The following SMARCC2 variants were observed in gnomAD, a reference collection of about 807,000 sequenced individuals.
SMARCC2 encodes SWI/SNF complex subunit SMARCC2.
A neutral mutation model predicts 151.3 loss-of-function variants in SMARCC2; 15 were observed. The ratio of observed to expected loss-of-function variants is 0.10; its 90% CI spans 0.07 to 0.15. The LOEUF (loss-of-function observed/expected upper bound fraction) is 0.15, where lower values mean the gene tolerates loss of function less well. Ranked by LOEUF, SMARCC2 falls within the 10% of genes least tolerant of loss-of-function variation. The probability of loss-of-function intolerance (pLI) is 1.00; values close to 1 mark genes in which losing one functional copy is unlikely to be tolerated. For missense variants in SMARCC2, 1,031 were observed against 1,599.7 expected (o/e 0.64, Z 6.06); for synonymous variants, 590 against 609.5 (o/e 0.97, Z 0.47).
intron 28 of SMARCC2, 98 bp downstream of exon 28, chr12:56,164,205 G>C (rs1486714615): frequency 6.5e-6 from 7 of 1,079,896 alleles, no homozygotes; most frequent in African/African-American, 1.6e-5. Context: ...AAGGATTGTG[G>C]AAACTCTAAT....
rs1050715934 is a variant in SMARCC2, at chr12:56,186,328, T to C, written c.232-88A>G. On this transcript the variant is annotated intron_variant, in intron 2 of 28. Transcript: ENST00000550164. ...ATAATCTAATAATCCTTTCACAAAA[T>C]CCCATGCTGAATTGATCTCCCTTTT... The C allele has an allele frequency of 1.6e-5, 13 of 802,686 alleles. No homozygotes were observed. The African/African-American group carries it at 2.1e-4, about 13-fold the overall frequency. The allele number at this position is 802,686 out of a possible 1,614,324, so 49.7% of individuals were successfully genotyped here. A position where few individuals can be genotyped will look rare whatever the true frequency, so the allele number is the denominator to read the frequency against.
Position 56,171,974 on chromosome 12 carries a change from A to G in SMARCC2, c.1927-37T>C, listed in dbSNP as rs762201599. On this transcript the variant is annotated intron_variant, in intron 20 of 28. Coordinates refer to ENST00000550164, the MANE Select transcript of SMARCC2 (RefSeq NM_001330288.2). The surrounding 1 kb of genome is among the most constrained non-coding windows in gnomAD (Gnocchi z 4.2). Reference sequence around the variant, plus strand: ...GGTGGAGACATAACTCCGCTTACTTAGCCACTTTTCTCGAAGGCTGACTCC... The same window carrying G: ...GGTGGAGACATAACTCCGCTTACTTGGCCACTTTTCTCGAAGGCTGACTCC... 2 of 1,556,128 alleles carry G rather than the reference A, an allele frequency of 1.3e-6. No homozygotes were observed. Among genetic ancestry groups the G allele is most frequent in the Admixed American group, 3.8e-5 (2 of 52,146 alleles).
rs1875514538 is a variant in SMARCC2 at position 56,178,713 on chromosome 12, G to T, written c.1179+97C>A. 6.1e-6 allele frequency: 9 copies of T among 1,467,298 alleles called. No individual in the cohort carries two copies. The South Asian group carries it at 6.8e-5, about 11-fold the overall frequency. The allele number at this position is 1,467,298 out of a possible 1,614,324, so 90.9% of individuals were successfully genotyped here. On this transcript the variant is annotated intron_variant, in intron 13 of 28. Coordinates refer to ENST00000550164, the MANE Select transcript of SMARCC2 (RefSeq NM_001330288.2). ...ACAAAGCTGGAATTAGTCTACAGTGGGTAAAGTCTGGGCAGTGAAAAGTTT... is the reference window on the plus strand; with the variant it reads ...ACAAAGCTGGAATTAGTCTACAGTGTGTAAAGTCTGGGCAGTGAAAAGTTT...
Position 56,165,537 on chromosome 12 carries a change from G to C in SMARCC2, c.3013C>G (p.Pro1005Ala), listed in dbSNP as rs200833916. ...ALPPGSQPIP[P>A]TGAAGPPAVH... ...GCGGGTGGCCCAGCAGCCCCTGTTG[G>C]GGGGATAGGCTGGGAGCCTGGGGGC... Residue 1005 changes from proline to alanine, a missense_variant, in exon 27 of 29, where the codon CCA becomes GCA. Around this residue, in one of 12 missense-constraint regions of SMARCC2, gnomAD observed 310 missense variants for 350.0 expected, o/e 0.89. Coordinates refer to ENST00000550164, the MANE Select transcript of SMARCC2 (RefSeq NM_001330288.2). 21 of 1,611,084 alleles carry C rather than the reference G, an allele frequency of 1.3e-5. No individual in the cohort carries two copies. The highest frequency in any genetic ancestry group is 4.5e-5 in the East Asian group (2 of 44,848).
At chr12:56,167,078 A>G (rs1317923541) in intron 26 of SMARCC2, among the ~76,000 whole-genome samples, 1 of 150,176 alleles carries the variant, frequency 6.7e-6, no homozygotes, top group Non-Finnish European at 1.5e-5. Context: ...AAAAAAAAAA[A>G]GCGTGATGAC....
intron 7 of SMARCC2, 34 bp downstream of exon 7, chr12:56,183,827 T>C: frequency 6.5e-7 from 1 of 1,537,128 alleles, no homozygotes; most frequent in Non-Finnish European, 9.0e-7. Flanking sequence ...GTCTGGCTCT[T>C]ATACTTAAAC....
At chr12:56,185,880 C>T (rs1233276704) in intron 3 of SMARCC2, 2 of 466,084 alleles carry the variant, frequency 4.3e-6, no homozygotes, top group East Asian at 7.4e-5. Flanking sequence ...ATGAATCACT[C>T]TCTGTGCTTA....
rs142625589 is a variant in SMARCC2, at chr12:56,185,239, C to T, written c.318-128G>A. 1.2e-3 allele frequency: 871 copies of T among 715,020 alleles called. 13 individuals carry two copies. The East Asian group carries it at 0.018, about 15-fold the overall frequency. The allele number at this position is 715,020 out of a possible 1,614,324, so 44.3% of individuals were successfully genotyped here. A position where few individuals can be genotyped will look rare whatever the true frequency, so the allele number is the denominator to read the frequency against. Reference sequence around the variant, plus strand: ...TGTCACCTAGGCTGGAGTGCAGTGGCGCGATCCCGGCTCACTGCAACCTCT... The same window carrying T: ...TGTCACCTAGGCTGGAGTGCAGTGGTGCGATCCCGGCTCACTGCAACCTCT... On this transcript the variant is annotated intron_variant, in intron 3 of 28. Transcript: ENST00000550164.
At chr12:56,163,841 C>T (rs1157542709) in intron 28 of SMARCC2, 76 bp from the exon 29 acceptor site, 16 of 959,188 alleles carry the variant, frequency 1.7e-5, no homozygotes, top group African/African-American at 1.2e-4. Flanking sequence ...CACAGACAGA[C>T]AGAACCGGGC....
chr12:56,187,105 A>G, intron 2 of SMARCC2, 82 bp downstream of exon 2: 1 of 1,428,960 alleles, frequency 7.0e-7, no homozygotes, highest in Admixed American at 2.1e-5. Context: ...AAAATTCACA[A>G]ATCTTTTTTT....
intron 7 of SMARCC2, chr12:56,183,627 G>A (rs186533568): frequency 2.6e-5 from 11 of 415,588 alleles, no homozygotes; most frequent in African/African-American, 4.0e-5. Context: ...TTTACTTATC[G>A]AAAATGATGC....
At position 56,164,716 on chromosome 12, in the gene SMARCC2, G is replaced by C. The variant is rs776126192; in HGVS notation, c.3248C>G (p.Pro1083Arg). Reference protein sequence around the residue: ...PPGPHGPSPFPNQQTPPSMMP... With the variant: ...PPGPHGPSPFRNQQTPPSMMP... Reference sequence around the variant, plus strand: ...CATTGAGGGAGGAGTTTGTTGGTTGGGGAACGGTGAGGGGCCTGAGAATAA... The same window carrying C: ...CATTGAGGGAGGAGTTTGTTGGTTGCGGAACGGTGAGGGGCCTGAGAATAA... Residue 1083 changes from proline to arginine, a missense_variant, in exon 28 of 29, where the codon CCC becomes CGC. This residue lies in a region of SMARCC2 where 310 missense variants were observed against 350.0 expected (regional missense o/e 0.89). Transcript: ENST00000550164. 7 of 1,609,056 alleles carry C rather than the reference G, an allele frequency of 4.4e-6. No homozygotes were observed. In the East Asian group the frequency reaches 1.3e-4, roughly 31 times the overall value.
intron 26 of SMARCC2, 89 bp downstream of exon 26, chr12:56,167,951 AACACACACACACACACACAC>A (rs56809897): frequency 1.2e-4 from 80 of 689,544 alleles, no homozygotes; most frequent in Middle Eastern, 4.7e-4. Flanking sequence ...CTTTCACTGA[AACACACACACACACACACAC>A]ACACACACAC....
rs1873575667 is a variant in SMARCC2, at chr12:56,169,878, C to T, written c.2446G>A (p.Glu816Lys). 2.5e-6 allele frequency: 4 copies of T among 1,614,084 alleles called. No individual in the cohort carries two copies. In the East Asian group the frequency reaches 8.9e-5, roughly 36 times the overall value. The change falls in exon 24 of 29, where the codon GAA becomes AAA. Residue 816 changes from glutamate to lysine, a missense_variant. By Grantham distance (56) the Glu-to-Lys change is moderately conservative. Around this residue, in one of 12 missense-constraint regions of SMARCC2, gnomAD observed 119 missense variants for 184.2 expected, o/e 0.65. Transcript: ENST00000550164. The stretch of plus-strand genomic sequence containing the variant: ...GCCTCGCTGGTTTTCTCTTTTGCTT[C>T]CTCCTCTATAGCACCCCCTCCTTCT... ...PREGGGAIEE[E>K]AKEKTSEAPK... is the part of the protein sequence containing the mutation.
At chr12:56,186,890 C>A in intron 2 of SMARCC2, 1 of 231,286 alleles carries the variant, frequency 4.3e-6, no homozygotes, top group Non-Finnish European at 8.7e-6. Context: ...AGGATTTGAA[C>A]ACAAGCCTGC....
At chr12:56,169,387 C>G in intron 25 of SMARCC2, 142 bp downstream of exon 25, 1 of 1,067,796 alleles carries the variant, frequency 9.4e-7, no homozygotes, top group East Asian at 2.4e-5. Context: ...GGATGACTAA[C>G]TTTACCTCCT....
chr12:56,183,733 G>A, intron 7 of SMARCC2, 128 bp downstream of exon 7: 2 of 622,038 alleles, frequency 3.2e-6, no homozygotes, highest in South Asian at 4.2e-5. Flanking sequence ...TCACTTACTA[G>A]GTGAGAGGAA....
chr12:56,187,103 C>A, intron 2 of SMARCC2, 84 bp downstream of exon 2: 1 of 1,420,906 alleles, frequency 7.0e-7, no homozygotes, highest in Non-Finnish European at 9.6e-7. Flanking sequence ...ACAAAATTCA[C>A]AAATCTTTTT....
At chr12:56,176,634 C>A (rs967850659) in intron 15 of SMARCC2, among the ~76,000 whole-genome samples, 35 of 150,294 alleles carry the variant, frequency 2.3e-4, no homozygotes, top group Admixed American at 4.0e-4. Context: ...CCTGCCACCA[C>A]GCCCAGCTAA....
Sources: allele counts gnomAD v4.1 joint callset (sites outside exome capture counted in the v4.1 genomes callset), GRCh38; gene constraint gnomAD v4.1.1; regional missense constraint gnomAD v4.1.1; non-coding constraint Gnocchi (gnomAD v3.1); transcripts MANE v1.5; gene names NCBI Gene and HGNC (gene_info 2026-07-23, HGNC 2026-07-21).